TMEM64: variants seen among roughly 807,000 people sequenced by gnomAD.
The protein encoded by TMEM64 is transmembrane protein 64.
In TMEM64, 19 loss-of-function variants were observed where a neutral mutation model predicts 24.5. That is an observed-to-expected ratio of 0.78 (90% CI 0.54 to 1.14). The LOEUF is 1.14. Ranked by LOEUF, TMEM64 falls within the 50% of genes most tolerant of loss-of-function variation. The pLI is 0.00. For synonymous variants in TMEM64, 262 were observed against 224.7 expected (o/e 1.17, Z -1.49); for missense variants, 487 against 493.0 (o/e 0.99, Z 0.12).
Position 90,631,592 on chromosome 8 carries a change from G to A in TMEM64, c.911C>T (p.Ala304Val). ...AAAATATCCACTAACACTCTGTTCT[G>A]CAATGACATCTTCCATTGTCCGCAG... ...TTLRTMEDVI[A>V]EQSVSGYFVF... The change falls in exon 2 of 3, where the codon GCA becomes GTA. Residue 304 changes from alanine to valine, a missense_variant. Around this residue, in one of 3 missense-constraint regions of TMEM64, gnomAD observed 419 missense variants for 407.5 expected, o/e 1.03. Coordinates refer to ENST00000458549, the MANE Select transcript of TMEM64 (RefSeq NM_001008495.4). The A allele has an allele frequency of 6.2e-7, 1 of 1,613,148 alleles. No homozygotes were observed. Among genetic ancestry groups the A allele is most frequent in the South Asian group, 1.1e-5 (1 of 90,990 alleles).
At chr8:90,644,381 A>G (rs1809653541) in intron 1 of TMEM64, among the ~76,000 whole-genome samples, 1 of 152,252 alleles carries the variant, frequency 6.6e-6, no homozygotes, top group South Asian at 2.1e-4. Context: ...ATGGAGATGC[A>G]CACTAGCTAT....
chr8:90,638,320 C>T (rs562425186), intron 1 of TMEM64, among the ~76,000 whole-genome samples: 7 of 152,280 alleles, frequency 4.6e-5, no homozygotes, highest in East Asian at 3.9e-4. Flanking sequence ...GGCCTTTCTA[C>T]GTTGTTCCTT....
At chr8:90,631,060 G>A (rs892785325) in intron 2 of TMEM64, among the ~76,000 whole-genome samples, 6 of 152,044 alleles carry the variant, frequency 3.9e-5, no homozygotes, top group South Asian at 2.1e-4. Flanking sequence ...ACATTTTTAC[G>A]AGGTAATACT....
intron 1 of TMEM64, among the ~76,000 whole-genome samples, chr8:90,633,849 A>C (rs1349141120): frequency 6.6e-6 from 1 of 151,878 alleles, no homozygotes; most frequent in Non-Finnish European, 1.5e-5. Context: ...TGGGATGTTA[A>C]GTGTTTTTCT....
At chr8:90,627,564 G>T (rs1264014743) in intron 2 of TMEM64, among the ~76,000 whole-genome samples, 4 of 152,128 alleles carry the variant, frequency 2.6e-5, no homozygotes, top group African/African-American at 9.7e-5. Context: ...GTTCATGGAT[G>T]TCAGTGAAGG....
At position 90,645,732 on chromosome 8, in the gene TMEM64, T is replaced by A. The variant is rs1210651397; in HGVS notation, c.174A>T (p.Ala58=). 8.6e-7 allele frequency: 1 copy of A among 1,157,542 alleles called. No individual in the cohort carries two copies. The highest frequency in any genetic ancestry group is 4.8e-5 in the Admixed American group (1 of 20,982). 71.7% of individuals were successfully genotyped at this position (1,157,542 alleles called of 1,614,324 possible). A position where few individuals can be genotyped will look rare whatever the true frequency, so the allele number is the denominator to read the frequency against. The change falls in exon 1 of 3, where the codon GCA becomes GCT. Residue 58 remains alanine, a synonymous_variant. Transcript: ENST00000458549. The surrounding 1 kb of genome is among the most constrained non-coding windows in gnomAD (Gnocchi z 4.2). Reference sequence around the variant, plus strand: ...CGAGCAGGGCGCCCGAGGCCGCCGCTGCTGCCGCCGCCGCGCTCGCCCCGC... The same window carrying A: ...CGAGCAGGGCGCCCGAGGCCGCCGCAGCTGCCGCCGCCGCGCTCGCCCCGC... ...RGGGASAAAA[A]AAASGALLGA... is the part of the protein sequence containing the mutation.
At chr8:90,631,758 T>A (rs1285735085) in intron 1 of TMEM64, 51 bp from the exon 2 acceptor site, 1 of 1,513,536 alleles carries the variant, frequency 6.6e-7, no homozygotes, top group Admixed American at 1.7e-5. Flanking sequence ...AAATTTCAAT[T>A]CAACATAAAA....
At chr8:90,638,735 A>G (rs1809559415) in intron 1 of TMEM64, among the ~76,000 whole-genome samples, 2 of 152,234 alleles carry the variant, frequency 1.3e-5, no homozygotes, top group African/African-American at 4.8e-5. Context: ...TTGCCAGTTT[A>G]TAAACAAGTT....
intron 1 of TMEM64, among the ~76,000 whole-genome samples, chr8:90,640,618 T>A (rs796445772): frequency 2.6e-5 from 4 of 152,102 alleles, no homozygotes; most frequent in African/African-American, 9.7e-5. Context: ...ACTGTATTTG[T>A]GGTCTTAGAG....
At chr8:90,625,993 A>G (rs1809353237) in intron 2 of TMEM64, 131 bp from the exon 3 acceptor site, 3 of 649,994 alleles carry the variant, frequency 4.6e-6, no homozygotes, top group Non-Finnish European at 7.6e-6. Context: ...AGGGTTATAC[A>G]TTTTTAAATA....
chr8:90,643,354 TG>T (rs1270754762), intron 1 of TMEM64, among the ~76,000 whole-genome samples: 9 of 152,212 alleles, frequency 5.9e-5, no homozygotes. Flanking sequence ...AATAATCCTA[TG>T]GAAGTAGGTA....
chr8:90,631,757 T>A, intron 1 of TMEM64, 50 bp from the exon 2 acceptor site: 1 of 1,518,764 alleles, frequency 6.6e-7, no homozygotes, highest in Admixed American at 1.7e-5. Context: ...AAAATTTCAA[T>A]TCAACATAAA....
chr8:90,641,956 T>A (rs1326888987), intron 1 of TMEM64, among the ~76,000 whole-genome samples: 4 of 152,194 alleles, frequency 2.6e-5, no homozygotes, highest in Admixed American at 6.5e-5. Context: ...AGAGTAACTA[T>A]AACTACTTCA....
intron 1 of TMEM64, among the ~76,000 whole-genome samples, chr8:90,633,356 A>G (rs1468633529): frequency 6.6e-6 from 1 of 152,226 alleles, no homozygotes; most frequent in African/African-American, 2.4e-5. Flanking sequence ...GCCCGAGTCA[A>G]GCCTTAAGAT....
chr8:90,630,392 A>G (rs894201963), intron 2 of TMEM64, among the ~76,000 whole-genome samples: 1 of 152,172 alleles, frequency 6.6e-6, no homozygotes, highest in Admixed American at 6.5e-5. Context: ...TGAATGTGGA[A>G]CCAATGGATA....
At chr8:90,635,232 C>A (rs1293310169) in intron 1 of TMEM64, among the ~76,000 whole-genome samples, 1 of 151,952 alleles carries the variant, frequency 6.6e-6, no homozygotes, top group African/African-American at 2.4e-5. Flanking sequence ...GAAACCAAAG[C>A]GTAACTTTTT....
intron 2 of TMEM64, 58 bp from the exon 3 acceptor site, chr8:90,625,920 A>T: frequency 7.6e-7 from 1 of 1,309,188 alleles, no homozygotes; most frequent in Admixed American, 2.2e-5. Context: ...AAAAGAAATA[A>T]ATCCAATAAA....
rs1320325398 is a variant in TMEM64, at chr8:90,625,137, A to C, written c.*534T>G. ...GCAAAAATACATTCAACTGAAAATT[A>C]ATGTCTGTTCTTTAACTAGTAAGGA... On this transcript the variant is annotated 3_prime_UTR_variant, in exon 3 of 3. Transcript: ENST00000458549. 1 of 152,646 alleles carries C rather than the reference A, an allele frequency of 6.6e-6. No homozygotes were observed. The highest frequency in any genetic ancestry group is 1.5e-5 in the Non-Finnish European group (1 of 68,070). 9.5% of individuals were successfully genotyped at this position (152,646 alleles called of 1,614,324 possible). A position where few individuals can be genotyped will look rare whatever the true frequency, so the allele number is the denominator to read the frequency against.
At chr8:90,641,650 G>A (rs1563451818) in intron 1 of TMEM64, among the ~76,000 whole-genome samples, 1 of 152,196 alleles carries the variant, frequency 6.6e-6, no homozygotes, top group Non-Finnish European at 1.5e-5. Context: ...GTGTAATCTT[G>A]AGCAAGTTAT....
Sources: allele counts gnomAD v4.1 joint callset (sites outside exome capture counted in the v4.1 genomes callset), GRCh38; gene constraint gnomAD v4.1.1; regional missense constraint gnomAD v4.1.1; non-coding constraint Gnocchi (gnomAD v3.1); transcripts MANE v1.5; gene names NCBI Gene and HGNC (gene_info 2026-07-23, HGNC 2026-07-21).